Variants in GGH observed in about 807,000 individuals in gnomAD.
GGH encodes gamma-Glu-X carboxypeptidase.
A neutral mutation model predicts 39.2 loss-of-function variants in GGH; 18 were observed. The ratio of observed to expected loss-of-function variants is 0.46; its 90% CI spans 0.32 to 0.68. The LOEUF (loss-of-function observed/expected upper bound fraction) is 0.68. Among genes scored for constraint, GGH ranks in the 30% least tolerant of loss-of-function variants. The probability of loss-of-function intolerance (pLI) is 0.04; values close to 1 mark genes in which losing one functional copy is unlikely to be tolerated. For synonymous variants in GGH, 147 were observed against 138.8 expected, an observed-to-expected ratio of 1.06 and a Z score of -0.42; for missense variants, 367 against 384.1, an observed-to-expected ratio of 0.96 and a Z score of 0.37.
Position 63,027,209 on chromosome 8 carries a change from GC to G in GGH, c.331del (p.Ala111ProfsTer33). On this transcript the variant is annotated frameshift_variant, in exon 4 of 9. Coordinates refer to ENST00000260118, the MANE Select transcript of GGH (RefSeq NM_003878.3). LOFTEE classifies it high-confidence loss of function. ...DLRRSDYAKV[A>X]KIFYNLSIQS... ...TATGGACAAGTTATAAAATATTTTG[GC>G]CACTTTAGCATAATCTGAGCGTCTG... 3 of 1,558,040 alleles carry G rather than the reference GC, an allele frequency of 1.9e-6. No homozygotes were observed. Among genetic ancestry groups the G allele is most frequent in the Non-Finnish European group, 2.7e-6 (3 of 1,129,214 alleles).
At chr8:63,028,545 T>C (rs1030551137) in intron 3 of GGH, 2 of 152,140 alleles carry the variant, frequency 1.3e-5, no homozygotes, top group African/African-American at 4.8e-5. Flanking sequence ...TAACAGTGAC[T>C]CAATAAAGGT....
intron 3 of GGH, among the ~76,000 whole-genome samples, chr8:63,029,097 T>C (rs1804754409): frequency 6.6e-6 from 1 of 152,260 alleles, no homozygotes; most frequent in East Asian, 1.9e-4. Context: ...AACAATAAAT[T>C]AACATGGTTT....
chr8:63,024,958 C>G (rs1804657760), intron 5 of GGH: 1 of 152,178 alleles, frequency 6.6e-6, no homozygotes, highest in Non-Finnish European at 1.5e-5. Context: ...GAAGAAAGAG[C>G]TTTCAAAAGC....
intron 7 of GGH, among the ~76,000 whole-genome samples, chr8:63,023,351 G>A (rs902255760): frequency 6.6e-6 from 1 of 152,126 alleles, no homozygotes; most frequent in Admixed American, 6.5e-5. Flanking sequence ...CTGTAGGGGG[G>A]ATTTTAGGTG....
chr8:63,023,874 G>A (rs1269621663), intron 7 of GGH, 33 bp downstream of exon 7: 3 of 1,309,274 alleles, frequency 2.3e-6, no homozygotes, highest in Non-Finnish European at 3.0e-6. Context: ...TATAAAATAA[G>A]TGAAATAAAG....
intron 2 of GGH, among the ~76,000 whole-genome samples, chr8:63,035,068 T>C (rs1237863072): frequency 6.6e-6 from 1 of 151,946 alleles, no homozygotes; most frequent in Non-Finnish European, 1.5e-5. Flanking sequence ...TCCATTACCT[T>C]CATAGTGTCT....
At chr8:63,016,862 A>G (rs756442352) in intron 8 of GGH, among the ~76,000 whole-genome samples, 3 of 152,212 alleles carry the variant, frequency 2.0e-5, no homozygotes, top group Non-Finnish European at 4.4e-5. Context: ...TGCTTTCTCC[A>G]GTATGCCAAT....
At chr8:63,035,833 T>C in intron 1 of GGH, 63 bp from the exon 2 acceptor site, 3 of 1,328,260 alleles carry the variant, frequency 2.3e-6, no homozygotes, top group Non-Finnish European at 3.2e-6. Flanking sequence ...GAAACTGAAA[T>C]ATATCACAGC....
intron 7 of GGH, among the ~76,000 whole-genome samples, chr8:63,021,734 T>TGTACTCA (rs1426166762): frequency 6.9e-6 from 1 of 144,246 alleles, no homozygotes; most frequent in Non-Finnish European, 1.5e-5. Flanking sequence ...GAGTGCAGTG[T>TGTACTCA]GCAATCTCAG....
intron 2 of GGH, among the ~76,000 whole-genome samples, chr8:63,035,247 T>C (rs1338687224): frequency 1.3e-5 from 2 of 152,194 alleles, no homozygotes; most frequent in Non-Finnish European, 2.9e-5. Flanking sequence ...TCAGGTGCAA[T>C]GTTACTGCAT....
Position 63,027,224 on chromosome 8 carries a change from T to A in GGH, c.317A>T (p.Asp106Val). Residue 106 changes from aspartate (D) to valine (V), a missense_variant, in exon 4 of 9, where the codon GAT (aspartate) becomes GTT (valine). Asp to Val is a radical substitution (Grantham distance 152). Coordinates refer to ENST00000260118, the MANE Select transcript of GGH (RefSeq NM_003878.3). ...PGGSVDLRRS[D>V]YAKVAKIFYN... ...AAATATTTTGGCCACTTTAGCATAA[T>A]CTGAGCGTCTGAGGTCAACACTTCC... 6.3e-7 allele frequency: 1 copy of A among 1,592,330 alleles called. No individual in the cohort carries two copies. The highest frequency in any genetic ancestry group is 1.1e-5 in the South Asian group (1 of 90,580).
intron 8 of GGH, 56 bp from the exon 9 acceptor site, chr8:63,015,509 C>A: frequency 8.8e-7 from 1 of 1,140,588 alleles, no homozygotes; most frequent in Non-Finnish European, 1.3e-6. Flanking sequence ...CTTCAAGAGA[C>A]TATTTTATAA....
chr8:63,030,387 A>T (rs993498609), intron 2 of GGH, among the ~76,000 whole-genome samples, 170 bp from the exon 3 acceptor site: 1 of 152,196 alleles, frequency 6.6e-6, no homozygotes, highest in Non-Finnish European at 1.5e-5. Flanking sequence ...TGAAAGCCAC[A>T]TCATTCTATC....
intron 1 of GGH, 61 bp downstream of exon 1, chr8:63,038,599 G>T: frequency 1.1e-6 from 1 of 876,554 alleles, no homozygotes; most frequent in Non-Finnish European, 1.6e-6. Context: ...GGCGGCGGGA[G>T]GCGCCCAGCG....
chr8:63,017,701 TTTC>T, intron 7 of GGH, 71 bp from the exon 8 acceptor site: 1 of 886,350 alleles, frequency 1.1e-6, no homozygotes. Flanking sequence ...AATTGGTTTA[TTTC>T]TTATGTAAAA....
chr8:63,038,587 G>A, intron 1 of GGH, 73 bp downstream of exon 1: 2 of 735,712 alleles, frequency 2.7e-6, no homozygotes, highest in Non-Finnish European at 4.0e-6. Flanking sequence ...CAGCTGGAGC[G>A]CGGCGGCGGG....
At chr8:63,018,739 T>G (rs1008425734) in intron 7 of GGH, among the ~76,000 whole-genome samples, 3 of 152,200 alleles carry the variant, frequency 2.0e-5, no homozygotes, top group African/African-American at 7.2e-5. Context: ...ATAGAGTTAA[T>G]TGAAAGGCAG....
chr8:63,036,577 A>T (rs1475662977), intron 1 of GGH, among the ~76,000 whole-genome samples: 1 of 152,198 alleles, frequency 6.6e-6, no homozygotes, highest in African/African-American at 2.4e-5. Context: ...AGGAGAGCCC[A>T]TCTATGTAGG....
intron 1 of GGH, among the ~76,000 whole-genome samples, chr8:63,036,563 G>C (rs569315158): frequency 6.6e-6 from 1 of 152,278 alleles, no homozygotes; most frequent in East Asian, 1.9e-4. Flanking sequence ...AAAGACGGTG[G>C]GGAAGGAGAG....
Sources: allele counts gnomAD v4.1 joint callset (sites outside exome capture counted in the v4.1 genomes callset), GRCh38; gene constraint gnomAD v4.1.1; transcripts MANE v1.5; gene names NCBI Gene and HGNC (gene_info 2026-07-23, HGNC 2026-07-21).